NEDD4L: variants seen among roughly 807,000 people sequenced by gnomAD.
NEDD4L encodes E3 ubiquitin-protein ligase NEDD4-like.
Under a neutral mutation model 148.9 loss-of-function variants are expected in NEDD4L, and 54 were observed. The ratio of observed to expected loss-of-function variants is 0.36; its 90% CI spans 0.29 to 0.45. The LOEUF is 0.45. NEDD4L is among the 20% of genes least tolerant of loss of function. The pLI is 1.00. For synonymous variants in NEDD4L, 433 were observed against 440.7 expected (o/e 0.98, Z 0.22); for missense variants, 856 against 1,233.8 (o/e 0.69, Z 4.59).
At chr18:58,168,984 G>A (rs1050066850) in intron 2 of NEDD4L, among the ~76,000 whole-genome samples, 1 of 151,430 alleles carries the variant, frequency 6.6e-6, no homozygotes, top group Non-Finnish European at 1.5e-5. Flanking sequence ...GGGAGGAGTG[G>A]AGCACGTCAT....
At position 58,370,426 on chromosome 18, in the gene NEDD4L, A is replaced by G. The variant is rs1172972866; in HGVS notation, c.2215A>G (p.Met739Val). 1.2e-6 allele frequency: 2 copies of G among 1,612,428 alleles called. No homozygotes were observed. Among genetic ancestry groups the G allele is most frequent in the African/African-American group, 2.7e-5 (2 of 75,004 alleles). The change falls in exon 23 of 31, where the codon ATG (methionine) becomes GTG (valine). Residue 739 changes from methionine (M) to valine (V), a missense_variant. By Grantham distance (21) the Met-to-Val change is conservative. This residue lies in a region of NEDD4L where 286 missense variants were observed against 531.8 expected (regional missense o/e 0.54). Coordinates refer to ENST00000400345, the MANE Select transcript of NEDD4L (RefSeq NM_001144967.3). ...CTTCATTAGACCATTTTACAAGATGATGTTGGGAAAGCAGATAACCCTGAA... is the reference window on the plus strand; with the variant it reads ...CTTCATTAGACCATTTTACAAGATGGTGTTGGGAAAGCAGATAACCCTGAA... Reference protein sequence around the residue: ...GFFIRPFYKMMLGKQITLNDM... With the variant: ...GFFIRPFYKMVLGKQITLNDM...
chr18:58,239,477 T>C (rs1282757134), intron 2 of NEDD4L, among the ~76,000 whole-genome samples: 1 of 152,210 alleles, frequency 6.6e-6, no homozygotes, highest in Non-Finnish European at 1.5e-5. Flanking sequence ...TTTTGCCCCT[T>C]GGAGGCAACT....
intron 2 of NEDD4L, among the ~76,000 whole-genome samples, chr18:58,200,576 T>A (rs1231338736): frequency 1.3e-5 from 2 of 152,238 alleles, no homozygotes; most frequent in Non-Finnish European, 2.9e-5. Flanking sequence ...AACGTGGATA[T>A]GTTATGGAAC....
intron 5 of NEDD4L, among the ~76,000 whole-genome samples, chr18:58,252,980 A>G (rs975690985): frequency 6.6e-6 from 1 of 152,224 alleles, no homozygotes; most frequent in African/African-American, 2.4e-5. Context: ...TATGAAAATG[A>G]ACACTATCAT....
At chr18:58,168,381 C>G (rs1372306307) in intron 2 of NEDD4L, among the ~76,000 whole-genome samples, 1 of 152,230 alleles carries the variant, frequency 6.6e-6, no homozygotes, top group Admixed American at 6.5e-5. Flanking sequence ...GCCAGATGAC[C>G]TGCATTCTCC....
At chr18:58,156,474 G>C (rs2035511596) in intron 1 of NEDD4L, among the ~76,000 whole-genome samples, 1 of 152,192 alleles carries the variant, frequency 6.6e-6, no homozygotes. Context: ...ATCAAGTGTT[G>C]TGTGATCTTG....
At chr18:58,315,054 G>A (rs8085894) in intron 5 of NEDD4L, among the ~76,000 whole-genome samples, 163 of 152,318 alleles carry the variant, frequency 1.1e-3, no homozygotes, top group African/African-American at 3.6e-3. Flanking sequence ...GCTCAAGCTG[G>A]CTATGGGGCT....
chr18:58,085,311 G>A (rs1599161987), intron 1 of NEDD4L, among the ~76,000 whole-genome samples: 1 of 152,184 alleles, frequency 6.6e-6, no homozygotes, highest in South Asian at 2.1e-4. Context: ...AGAGGTATGG[G>A]ATGGGGTCAG....
At chr18:58,151,123 T>C (rs983031632) in intron 1 of NEDD4L, among the ~76,000 whole-genome samples, 1 of 152,202 alleles carries the variant, frequency 6.6e-6, no homozygotes, top group Non-Finnish European at 1.5e-5. Flanking sequence ...TTGCCAAACA[T>C]GCATTCCTCA....
Position 58,369,094 on chromosome 18 carries a change from A to T in NEDD4L, c.2185+1227A>T, listed in dbSNP as rs75852597. Among the ~76,000 whole-genome samples, 203 of 152,334 alleles carry T rather than the reference A, an allele frequency of 1.3e-3. 1 individual carries two copies. Among genetic ancestry groups the T allele is most frequent in the African/African-American group, 4.8e-3 (200 of 41,570 alleles). On this transcript the variant is annotated intron_variant, in intron 22 of 30. Transcript: ENST00000400345. The stretch of plus-strand genomic sequence containing the variant: ...GAACAAAACCAGAAGAATCACAGTG[A>T]TAGTGTCTGAGCAGAAGGGAGTGCA...
At chr18:58,252,444 A>G (rs1478059894) in intron 5 of NEDD4L, among the ~76,000 whole-genome samples, 1 of 152,248 alleles carries the variant, frequency 6.6e-6, no homozygotes, top group South Asian at 2.1e-4. Flanking sequence ...GGATGCATTC[A>G]GTAGCAAATC....
chr18:58,379,598 A>G (rs1424000906), intron 24 of NEDD4L, among the ~76,000 whole-genome samples: 1 of 152,106 alleles, frequency 6.6e-6, no homozygotes, highest in Non-Finnish European at 1.5e-5. Context: ...TCCAACCCCC[A>G]TGGAGCCTCG....
chr18:58,321,817 C>T (rs1190830069), intron 6 of NEDD4L, among the ~76,000 whole-genome samples: 1 of 152,168 alleles, frequency 6.6e-6, no homozygotes, highest in Non-Finnish European at 1.5e-5. Flanking sequence ...TTGGTAGGAA[C>T]TTCACAATGA....
At chr18:58,046,804 C>A (rs972952056) in intron 1 of NEDD4L, 2 of 152,186 alleles carry the variant, frequency 1.3e-5, no homozygotes, top group Non-Finnish European at 2.9e-5. Context: ...CTTTTATTAT[C>A]TATTTATTGC....
At chr18:58,278,943 C>A (rs2052578004) in intron 5 of NEDD4L, among the ~76,000 whole-genome samples, 1 of 152,184 alleles carries the variant, frequency 6.6e-6, no homozygotes, top group African/African-American at 2.4e-5. Context: ...GCAGTCTCAG[C>A]TCACTGCCAC....
intron 1 of NEDD4L, among the ~76,000 whole-genome samples, chr18:58,099,645 C>T (rs116476628): frequency 0.012 from 1,763 of 152,272 alleles, 36 homozygotes; most frequent in African/African-American, 0.04. Flanking sequence ...ACAACACCAG[C>T]GGGTGCTGTC....
chr18:58,132,173 C>T (rs951079617), intron 1 of NEDD4L, among the ~76,000 whole-genome samples: 3 of 152,108 alleles, frequency 2.0e-5, no homozygotes, highest in East Asian at 1.9e-4. Context: ...TCCATCAGTG[C>T]GTTCAGTCTT....
chr18:58,165,312 T>C (rs2036708296), intron 1 of NEDD4L, among the ~76,000 whole-genome samples: 1 of 152,258 alleles, frequency 6.6e-6, no homozygotes, highest in Admixed American at 6.5e-5. Context: ...TTTTTGCTTG[T>C]TGATGCCAAC....
intron 5 of NEDD4L, among the ~76,000 whole-genome samples, chr18:58,281,569 A>G (rs1364439553): frequency 6.6e-6 from 1 of 152,022 alleles, no homozygotes; most frequent in East Asian, 1.9e-4. Context: ...CTAGCTCTCC[A>G]TGCTTACCAA....
Sources: gnomAD v4.1 joint callset for allele counts (sites outside exome capture counted in the v4.1 genomes callset) on GRCh38, gnomAD v4.1.1 for gene constraint, gnomAD v4.1.1 regional missense constraint, MANE v1.5 for transcripts, NCBI Gene and HGNC (gene_info 2026-07-23, HGNC 2026-07-21) for gene names.